The following HOXB9 variants were observed in gnomAD, a reference collection of about 807,000 sequenced individuals.
The protein encoded by HOXB9 is homeobox protein Hox-B9.
Under a neutral mutation model 21.5 loss-of-function variants are expected in HOXB9, and 10 were observed. The observed-to-expected ratio is 0.47, with a 90% CI of 0.29 to 0.79. HOXB9 has a LOEUF of 0.79. HOXB9 is among the 30% of genes least tolerant of loss of function. The pLI is 0.10. For missense variants in HOXB9, 375 were observed against 338.7 expected (o/e 1.11, Z -0.84); for synonymous variants, 156 against 151.2 (o/e 1.03, Z -0.23).
Position 48,622,176 on chromosome 17 carries a change from C to T in HOXB9, c.*724G>A, listed in dbSNP as rs941644303. The T allele has an allele frequency of 6.6e-6, 1 of 152,568 alleles. No individual in the cohort carries two copies. The highest frequency in any genetic ancestry group is 2.4e-5 in the African/African-American group (1 of 41,434). The allele number at this position is 152,568 out of a possible 1,614,324, so 9.5% of individuals were successfully genotyped here. On this transcript the variant is annotated 3_prime_UTR_variant, in exon 2 of 2. Transcript: ENST00000311177. ...ATAGCTTCATAAAACCACGTGCTGCCTTTTCTTGTACTTTCTAGCCCACCG... is the reference window on the plus strand; with the variant it reads ...ATAGCTTCATAAAACCACGTGCTGCTTTTTCTTGTACTTTCTAGCCCACCG...
chr17:48,625,929 G>GCCTGGC lies in HOXB9; in HGVS notation c.335_340dup (p.Gly112_Gln113dup), dbSNP rs1567677676. The GCCTGGC allele has an allele frequency of 6.4e-7, 1 of 1,561,660 alleles. No homozygotes were observed. The highest frequency in any genetic ancestry group is 8.6e-7 in the Non-Finnish European group (1 of 1,158,684). The stretch of plus-strand genomic sequence containing the variant: ...CAGCAGCGGCTCCGCCTTCACCGCC[G>GCCTGGC]CCTGGCCCTGCCCCGGGGCCGCTTC... On this transcript the variant is annotated inframe_insertion, in exon 1 of 2. Transcript: ENST00000311177.
Position 48,623,022 on chromosome 17 carries a change from T to C in HOXB9, c.631A>G (p.Thr211Ala). ...GCCACTTCGTGCCTACGGTCCCTGG[T>C]GAGGTACATATTGAACAGAAACTCC... The part of the protein sequence containing the change: ...EKEFLFNMYL[T>A]RDRRHEVARL... Residue 211 changes from threonine (T) to alanine (A), a missense_variant, in exon 2 of 2, where the codon ACC becomes GCC. By Grantham distance (58) the Thr-to-Ala change is moderately conservative (BLOSUM62 0). Coordinates refer to ENST00000311177, the MANE Select transcript of HOXB9 (RefSeq NM_024017.5). The C allele has an allele frequency of 6.2e-7, 1 of 1,614,230 alleles. No individual in the cohort carries two copies.
chr17:48,623,598 C>A (rs1166406384), intron 1 of HOXB9, among the ~76,000 whole-genome samples: 2 of 152,122 alleles, frequency 1.3e-5, no homozygotes, highest in African/African-American at 4.8e-5. Flanking sequence ...TGTCACTTCA[C>A]CCCAAGAGAC....
In HOXB9 at chr17:48,622,826, T is replaced by C; in HGVS notation, c.*74A>G. 1 of 1,114,150 alleles carries C rather than the reference T, an allele frequency of 9.0e-7. No individual in the cohort carries two copies. The highest frequency in any genetic ancestry group is 1.3e-6 in the Non-Finnish European group (1 of 747,170). 69.0% of individuals were successfully genotyped at this position (1,114,150 alleles called of 1,614,324 possible). A position where few individuals can be genotyped will look rare whatever the true frequency, so the allele number is the denominator to read the frequency against. ...CACTTGAATACATCCCAGACAGCAC[T>C]GGCTTTGCAGTCGTCACATAACTAA... On this transcript the variant is annotated 3_prime_UTR_variant, in exon 2 of 2. Transcript: ENST00000311177.
chr17:48,625,868 G>A lies in HOXB9; in HGVS notation c.402C>T (p.Pro134=). The part of the protein sequence containing the change: ...APGELLKQGT[P]EYSLETSAGR... ...CCGCCGAAGTTTCCAAACTGTACTCGGGCGTGCCCTGTTTGAGCAGCTCCC... is the reference window on the plus strand; with the variant it reads ...CCGCCGAAGTTTCCAAACTGTACTCAGGCGTGCCCTGTTTGAGCAGCTCCC... The change falls in exon 1 of 2, where the codon CCC becomes CCT. Residue 134 remains proline (P), a synonymous_variant. Coordinates refer to ENST00000311177, the MANE Select transcript of HOXB9 (RefSeq NM_024017.5). The A allele has an allele frequency of 3.1e-6, 5 of 1,609,076 alleles. No individual in the cohort carries two copies. The highest frequency in any genetic ancestry group is 4.2e-6 in the Non-Finnish European group (5 of 1,178,336).
chr17:48,623,485 C>A (rs941693599), intron 1 of HOXB9, among the ~76,000 whole-genome samples: 4 of 152,212 alleles, frequency 2.6e-5, no homozygotes, highest in Non-Finnish European at 4.4e-5. Context: ...CACTCCCAGG[C>A]TGACTAGGGG....
chr17:48,623,566 T>G (rs2070788291), intron 1 of HOXB9, among the ~76,000 whole-genome samples: 1 of 152,172 alleles, frequency 6.6e-6, no homozygotes, highest in South Asian at 2.1e-4. Flanking sequence ...GTGAGATGTC[T>G]GTTCAGTCAC....
rs2070817052 is a variant in HOXB9 at position 48,626,350 on chromosome 17, GA to G, written c.-82del. ...CCCAAGCAGGGAGAGGTGGCACCCG[GA>G]CCGGTGTGAGGGCTTTCGGACGCGA... On this transcript the variant is annotated 5_prime_UTR_variant, in exon 1 of 2. Transcript: ENST00000311177. The G allele has an allele frequency of 3.4e-6, 5 of 1,451,812 alleles. No individual in the cohort carries two copies. The highest frequency in any genetic ancestry group is 1.8e-6 in the Non-Finnish European group (2 of 1,084,434). The allele number at this position is 1,451,812 out of a possible 1,614,324, so 89.9% of individuals were successfully genotyped here. A position where few individuals can be genotyped will look rare whatever the true frequency, so the allele number is the denominator to read the frequency against.
chr17:48,621,934 G>C lies in HOXB9; in HGVS notation c.*966C>G, dbSNP rs1219493286. 1.3e-5 allele frequency: 2 copies of C among 152,330 alleles called. No homozygotes were observed. Among genetic ancestry groups the C allele is most frequent in the Non-Finnish European group, 2.9e-5 (2 of 68,100 alleles). The allele number at this position is 152,330 out of a possible 1,614,324, so 9.4% of individuals were successfully genotyped here. On this transcript the variant is annotated 3_prime_UTR_variant, in exon 2 of 2. Transcript: ENST00000311177. The stretch of plus-strand genomic sequence containing the variant: ...CCGAAGAGAGTTGATTTCAGAGCTA[G>C]GGAGGGTGCGGAAGAATGCAGGGCC...
intron 1 of HOXB9, among the ~76,000 whole-genome samples, chr17:48,624,076 A>G (rs1173056248): frequency 6.6e-6 from 1 of 152,150 alleles, no homozygotes; most frequent in Non-Finnish European, 1.5e-5. Flanking sequence ...AGTGGAAGAG[A>G]GGAAACAAAA....
chr17:48,623,524 C>G (rs2070787876), intron 1 of HOXB9, among the ~76,000 whole-genome samples: 1 of 152,134 alleles, frequency 6.6e-6, no homozygotes, highest in African/African-American at 2.4e-5. Flanking sequence ...GGTCCTGGCT[C>G]TAGGAGGTGA....
chr17:48,622,914 G>C lies in HOXB9; in HGVS notation c.739C>G (p.Gln247Glu). Residue 247 changes from glutamine to glutamate, a missense_variant, in exon 2 of 2, where the codon CAG becomes GAG. Coordinates refer to ENST00000311177, the MANE Select transcript of HOXB9 (RefSeq NM_024017.5). ...RMKMKKMNKE[Q>E]GKE is the part of the protein sequence containing the mutation. ...ATCTTTAATCTTTACTCTTTGCCCT[G>C]CTCCTTATTCATTTTCTTCATTTTC... The C allele has an allele frequency of 6.2e-7, 1 of 1,612,814 alleles. No homozygotes were observed.
In HOXB9 at chr17:48,622,943, C is replaced by T. The variant is rs748638093; in HGVS notation, c.710G>A (p.Arg237Gln). 13 of 1,614,006 alleles carry T rather than the reference C, an allele frequency of 8.1e-6. No homozygotes were observed. Among genetic ancestry groups the T allele is most frequent in the Admixed American group, 1.7e-5 (1 of 59,982 alleles). Residue 237 changes from arginine to glutamine, a missense_variant, in exon 2 of 2, where the codon CGG (arginine) becomes CAG (glutamine). Physicochemically the swap from Arg to Gln is conservative, Grantham distance 43 (BLOSUM62 1). Transcript: ENST00000311177. The stretch of plus-strand genomic sequence containing the variant: ...CTTATTCATTTTCTTCATTTTCATC[C>T]GCCGGTTCTGAAACCAGATTTTGAC... Reference protein sequence around the residue: ...RQVKIWFQNRRMKMKKMNKEQ... With the variant: ...RQVKIWFQNRQMKMKKMNKEQ...
Position 48,622,587 on chromosome 17 carries a change from C to T in HOXB9, c.*313G>A. 3.5e-6 allele frequency: 1 copy of T among 289,794 alleles called. No individual in the cohort carries two copies. The allele number at this position is 289,794 out of a possible 1,614,324, so 18.0% of individuals were successfully genotyped here. ...AGCTGGAAGTGAGGGGCTAGGACTT[C>T]CCAGAAAAATTACAGGGCATACTAG... On this transcript the variant is annotated 3_prime_UTR_variant, in exon 2 of 2. Transcript: ENST00000311177.
chr17:48,625,254 G>A (rs2070802118), intron 1 of HOXB9, among the ~76,000 whole-genome samples: 1 of 152,252 alleles, frequency 6.6e-6, no homozygotes, highest in African/African-American at 2.4e-5. Context: ...AAATCCTAAT[G>A]AGCTCCCTCC....
rs1307767546 is a variant in HOXB9, at chr17:48,622,599, AC to A, written c.*300del. The A allele has an allele frequency of 6.6e-6, 2 of 303,516 alleles. No homozygotes were observed. Among genetic ancestry groups the A allele is most frequent in the African/African-American group, 4.3e-5 (2 of 46,008 alleles). The allele number at this position is 303,516 out of a possible 1,614,324, so 18.8% of individuals were successfully genotyped here. On this transcript the variant is annotated 3_prime_UTR_variant, in exon 2 of 2. Coordinates refer to ENST00000311177, the MANE Select transcript of HOXB9 (RefSeq NM_024017.5). ...GGGGCTAGGACTTCCCAGAAAAATT[AC>A]AGGGCATACTAGGAGCTTGACTGGG...
intron 1 of HOXB9, among the ~76,000 whole-genome samples, chr17:48,624,965 T>TC (rs1246129468): frequency 6.6e-6 from 1 of 152,122 alleles, no homozygotes; most frequent in Non-Finnish European, 1.5e-5. Context: ...ATTCCCCGAC[T>TC]CCCCAAGAGG....
chr17:48,622,603 G>A lies in HOXB9; in HGVS notation c.*297C>T. The A allele has an allele frequency of 3.1e-6, 1 of 318,528 alleles. No individual in the cohort carries two copies. Among genetic ancestry groups the A allele is most frequent in the Non-Finnish European group, 5.9e-6 (1 of 170,352 alleles). 19.7% of individuals were successfully genotyped at this position (318,528 alleles called of 1,614,324 possible). A position where few individuals can be genotyped will look rare whatever the true frequency, so the allele number is the denominator to read the frequency against. On this transcript the variant is annotated 3_prime_UTR_variant, in exon 2 of 2. Coordinates refer to ENST00000311177, the MANE Select transcript of HOXB9 (RefSeq NM_024017.5). Reference sequence around the variant, plus strand: ...CTAGGACTTCCCAGAAAAATTACAGGGCATACTAGGAGCTTGACTGGGGTC... The same window carrying A: ...CTAGGACTTCCCAGAAAAATTACAGAGCATACTAGGAGCTTGACTGGGGTC...
At position 48,626,170 on chromosome 17, in the gene HOXB9, C is replaced by A. The variant is rs930984192; in HGVS notation, c.100G>T (p.Ala34Ser). The A allele has an allele frequency of 5.6e-6, 9 of 1,598,586 alleles. No individual in the cohort carries two copies. The highest frequency in any genetic ancestry group is 7.6e-6 in the Non-Finnish European group (9 of 1,179,210). ...PPAKFPSGQYASSRQPGHAEH... is the reference protein window; with the variant it reads ...PPAKFPSGQYSSSRQPGHAEH... Reference sequence around the variant, plus strand: ...GCGTGGCCCGGCTGCCGCGAGCTCGCGTACTGGCCAGAAGGAAACTTGGCT... The same window carrying A: ...GCGTGGCCCGGCTGCCGCGAGCTCGAGTACTGGCCAGAAGGAAACTTGGCT... The change falls in exon 1 of 2, where the codon GCG becomes TCG. Residue 34 changes from alanine to serine, a missense_variant. Physicochemically the swap from Ala to Ser is moderately conservative, Grantham distance 99. Transcript: ENST00000311177.
Sources: allele counts gnomAD v4.1 joint callset (sites outside exome capture counted in the v4.1 genomes callset), GRCh38; gene constraint gnomAD v4.1.1; transcripts MANE v1.5; gene names NCBI Gene and HGNC (gene_info 2026-07-23, HGNC 2026-07-21).